Variants in PRICKLE2 observed in about 807,000 individuals in gnomAD.
PRICKLE2 encodes prickle planar cell polarity protein 2, also known as prickle-like protein 2.
A neutral mutation model predicts 81.4 loss-of-function variants in PRICKLE2; 21 were observed. The observed-to-expected ratio is 0.26, with a 90% confidence interval of 0.18 to 0.37. The LOEUF is 0.37. Among genes scored for constraint, PRICKLE2 ranks in the 10% least tolerant of loss-of-function variants. The probability of loss-of-function intolerance (pLI) is 1.00; values close to 1 mark genes in which losing one functional copy is unlikely to be tolerated. For synonymous variants in PRICKLE2, 456 were observed against 421.5 expected (o/e 1.08, Z -1.00); for missense variants, 940 against 1,109.0 (o/e 0.85, Z 2.16).
At chr3:64,192,997 A>G (rs528864305) in intron 2 of PRICKLE2, among the ~76,000 whole-genome samples, 25 of 152,304 alleles carry the variant, frequency 1.6e-4, no homozygotes, top group Admixed American at 9.8e-4. Context: ...CTTGCATCCA[A>G]TGAAAGCTAT....
chr3:64,111,117 G>C (rs1043726870), intron 7 of PRICKLE2, among the ~76,000 whole-genome samples: 1 of 152,112 alleles, frequency 6.6e-6, no homozygotes, highest in Non-Finnish European at 1.5e-5. Context: ...AGGCAGGCCT[G>C]GACTCTTTTG....
chr3:64,145,308 T>C (rs2077429966), intron 7 of PRICKLE2: 1 of 145,130 alleles, frequency 6.9e-6, no homozygotes, highest in African/African-American at 2.5e-5. Context: ...TATTATATCA[T>C]ATATATTTAT....
At position 64,099,959 on chromosome 3, in the gene PRICKLE2, T is replaced by C. The variant is rs1419175959; in HGVS notation, c.1661-34A>G. 3 of 1,609,806 alleles carry C rather than the reference T, an allele frequency of 1.9e-6. No individual in the cohort carries two copies. Among genetic ancestry groups the C allele is most frequent in the African/African-American group, 2.7e-5 (2 of 74,834 alleles). Reference sequence around the variant, plus strand: ...GAGAGGAGGGGACCACAGAGATTAATACAGATGTGCAGCAATGGGTATCAC... The same window carrying C: ...GAGAGGAGGGGACCACAGAGATTAACACAGATGTGCAGCAATGGGTATCAC... On this transcript the variant is annotated intron_variant, in intron 7 of 7. Coordinates refer to ENST00000638394, the MANE Select transcript of PRICKLE2 (RefSeq NM_198859.4). This position sits in a 1 kb window ranked among gnomAD's most constrained non-coding sequence, Gnocchi z 4.3.
At chr3:64,215,163 A>C (rs1344539577) in intron 1 of PRICKLE2, among the ~76,000 whole-genome samples, 1 of 152,110 alleles carries the variant, frequency 6.6e-6, no homozygotes, top group Non-Finnish European at 1.5e-5. Context: ...ACCATAGCCT[A>C]CAAGACCCTA....
intron 7 of PRICKLE2, chr3:64,102,469 G>A (rs565157074): frequency 1.3e-5 from 2 of 152,366 alleles, no homozygotes; most frequent in African/African-American, 2.4e-5. Context: ...TGCTCCTTAC[G>A]AGAATCTCAT....
At chr3:64,117,922 A>G (rs191985702) in intron 7 of PRICKLE2, among the ~76,000 whole-genome samples, 16 of 152,252 alleles carry the variant, frequency 1.1e-4, no homozygotes, top group Admixed American at 1.0e-3. Flanking sequence ...AGAACAAAGC[A>G]GAAGGCATCA....
intron 7 of PRICKLE2, among the ~76,000 whole-genome samples, chr3:64,107,413 A>G (rs1438119137): frequency 6.6e-6 from 1 of 152,120 alleles, no homozygotes; most frequent in Non-Finnish European, 1.5e-5. Context: ...GGCAAAATGT[A>G]TGCATGCAAG....
chr3:64,155,556 A>G (rs1044008744), intron 5 of PRICKLE2, among the ~76,000 whole-genome samples: 3 of 152,210 alleles, frequency 2.0e-5, no homozygotes, highest in Admixed American at 2.0e-4. Flanking sequence ...CAAGAGAACT[A>G]AAAATATATG....
intron 2 of PRICKLE2, among the ~76,000 whole-genome samples, chr3:64,168,755 A>G (rs2077879022): frequency 6.6e-6 from 1 of 152,226 alleles, no homozygotes; most frequent in African/African-American, 2.4e-5. Flanking sequence ...AGAAGGAAGA[A>G]AAAACCAAAT....
At chr3:64,141,696 GA>G (rs1396679622) in intron 7 of PRICKLE2, 1 of 505,204 alleles carries the variant, frequency 2.0e-6, no homozygotes, top group African/African-American at 2.1e-5. Context: ...AACACATTGG[GA>G]GAGGCCAAAG....
chr3:64,218,978 G>A (rs533007953), intron 1 of PRICKLE2, among the ~76,000 whole-genome samples: 2 of 152,142 alleles, frequency 1.3e-5, no homozygotes, highest in East Asian at 1.9e-4. Flanking sequence ...GAAAGTGAAC[G>A]AGCAACACCA....
intron 7 of PRICKLE2, among the ~76,000 whole-genome samples, chr3:64,142,933 C>A (rs2077386380): frequency 6.6e-6 from 1 of 152,030 alleles, no homozygotes; most frequent in Admixed American, 6.6e-5. Flanking sequence ...TGTTCAAGGC[C>A]ACACAACTCC....
intron 2 of PRICKLE2, among the ~76,000 whole-genome samples, chr3:64,179,419 CT>C (rs1485983117): frequency 6.6e-6 from 1 of 152,034 alleles, no homozygotes; most frequent in Non-Finnish European, 1.5e-5. Flanking sequence ...AGCCTTCTTG[CT>C]TTTAGAAACA....
At chr3:64,227,921 T>C (rs1380521245), upstream of PRICKLE2, among the ~76,000 whole-genome samples, 1 of 152,218 alleles carries the variant, frequency 6.6e-6, no homozygotes, top group African/African-American at 2.4e-5. Flanking sequence ...CAAAATCATC[T>C]TTATTCCTAG....
intron 1 of PRICKLE2, among the ~76,000 whole-genome samples, chr3:64,218,416 T>C (rs1337176958): frequency 6.6e-6 from 1 of 152,248 alleles, no homozygotes; most frequent in Non-Finnish European, 1.5e-5. Context: ...ACATCTCTTA[T>C]GTCTGTAAGT....
chr3:64,134,346 C>T lies in PRICKLE2; in HGVS notation c.1660+12484G>A, dbSNP rs563730968. On this transcript the variant is annotated intron_variant, in intron 7 of 7. Transcript: ENST00000638394. ...TCCGAAGCATCCAGCTGAGGAGGTC[C>T]CTTCCCGTGACATCATACTCCCCTC... is the stretch of plus-strand genomic sequence containing the variant. 7.9e-5 allele frequency among the ~76,000 whole-genome samples: 12 copies of T among 152,308 alleles called. No homozygotes were observed. In the South Asian group the frequency reaches 2.5e-3, roughly 32 times the overall value.
At chr3:64,238,669 G>A (rs2107168652) in intron 2 of PRICKLE2, among the ~76,000 whole-genome samples, 1 of 152,150 alleles carries the variant, frequency 6.6e-6, no homozygotes, top group South Asian at 2.1e-4. Flanking sequence ...GTGGGGTAAG[G>A]CAAGTTCTGT....
upstream of PRICKLE2, among the ~76,000 whole-genome samples, chr3:64,228,886 G>T (rs975814471): frequency 1.3e-5 from 2 of 152,156 alleles, no homozygotes; most frequent in Non-Finnish European, 2.9e-5. Context: ...AAAGGACAAG[G>T]AAGACAAAAT....
At chr3:64,194,283 A>G (rs2078407066) in intron 2 of PRICKLE2, 1 of 152,228 alleles carries the variant, frequency 6.6e-6, no homozygotes, top group Admixed American at 6.5e-5. Flanking sequence ...TTACAAGGCA[A>G]CAACTGTTCT....
Sources: gnomAD v4.1 joint callset for allele counts (sites outside exome capture counted in the v4.1 genomes callset) on GRCh38, gnomAD v4.1.1 for gene constraint, Gnocchi (gnomAD v3.1) non-coding constraint, MANE v1.5 for transcripts, NCBI Gene and HGNC (gene_info 2026-07-23, HGNC 2026-07-21) for gene names.